The following PAXBP1 variants were observed in gnomAD, a reference collection of about 807,000 sequenced individuals.
PAXBP1 encodes PAX3 and PAX7 binding protein 1.
PAXBP1 carries 44 observed loss-of-function variants against 119.9 expected under a neutral mutation model. The ratio of observed to expected loss-of-function variants is 0.37; its 90% CI spans 0.29 to 0.47. PAXBP1 has a LOEUF of 0.47. PAXBP1 is among the 20% of genes least tolerant of loss of function. The probability of loss-of-function intolerance (pLI) is 0.99; values close to 1 mark genes in which losing one functional copy is unlikely to be tolerated. For synonymous variants in PAXBP1, 393 were observed against 406.6 expected (o/e 0.97, Z 0.40); for missense variants, 898 against 1,134.1 (o/e 0.79, Z 2.99).
At chr21:32,768,634 T>A (rs990292250) in intron 2 of PAXBP1, among the ~76,000 whole-genome samples, 5 of 152,232 alleles carry the variant, frequency 3.3e-5, no homozygotes. Context: ...CCCTTGAGTT[T>A]AAACTGCTTT....
At chr21:32,748,721 G>T in intron 10 of PAXBP1, 23 bp from the exon 11 acceptor site, 1 of 1,597,900 alleles carries the variant, frequency 6.3e-7, no homozygotes, top group South Asian at 1.1e-5. Flanking sequence ...AAACCCCACA[G>T]AGAACCATAC....
At position 32,737,416 on chromosome 21, in the gene PAXBP1, G is replaced by A; in HGVS notation, c.2482-8C>T. The A allele has an allele frequency of 6.3e-7, 1 of 1,587,794 alleles. No individual in the cohort carries two copies. The highest frequency in any genetic ancestry group is 8.6e-7 in the Non-Finnish European group (1 of 1,168,904). ...GGGGAAACAATTGATTACCTGTGGA[G>A]AAGAAAGACGTAAAATAAAATAGTT... On this transcript the variant is annotated splice_polypyrimidine_tract_variant and splice_region_variant and intron_variant, in intron 16 of 17. Coordinates refer to ENST00000331923, the MANE Select transcript of PAXBP1 (RefSeq NM_016631.4).
In PAXBP1 at chr21:32,764,510, C is replaced by T. The variant is rs758001001; in HGVS notation, c.487G>A (p.Asp163Asn). The change falls in exon 3 of 18, where the codon GAC (aspartate) becomes AAC (asparagine). Residue 163 changes from aspartate (D) to asparagine (N), a missense_variant. Asp to Asn is a conservative substitution (Grantham distance 23). Transcript: ENST00000331923. ...NSSAESEQPL[D>N]KTGHVKDTNQ... ...GTATCCTTAACATGTCCTGTTTTGT[C>T]CAAAGGTTGTTCACCTAAATTTTTG... is the stretch of plus-strand genomic sequence containing the variant. 1 of 1,594,430 alleles carries T rather than the reference C, an allele frequency of 6.3e-7. No individual in the cohort carries two copies. Among genetic ancestry groups the T allele is most frequent in the Non-Finnish European group, 8.5e-7 (1 of 1,171,888 alleles).
intron 2 of PAXBP1, 125 bp downstream of exon 2, chr21:32,769,689 A>G: frequency 1.2e-6 from 1 of 857,276 alleles, no homozygotes; most frequent in South Asian, 1.6e-5. Flanking sequence ...CTGTACTGCT[A>G]CTCAATAAGG....
At chr21:32,755,449 T>C in intron 7 of PAXBP1, 96 bp from the exon 8 acceptor site, 2 of 1,504,866 alleles carry the variant, frequency 1.3e-6, no homozygotes, top group South Asian at 2.5e-5. Context: ...AAAAGTACCC[T>C]CTCTATGGAC....
rs2043671054 is a variant in PAXBP1 at position 32,734,912 on chromosome 21, A to G, written c.*38T>C. 1.4e-6 allele frequency: 2 copies of G among 1,451,870 alleles called. No homozygotes were observed. Among genetic ancestry groups the G allele is most frequent in the Middle Eastern group, 1.8e-4 (1 of 5,420 alleles). The allele number at this position is 1,451,870 out of a possible 1,614,324, so 89.9% of individuals were successfully genotyped here. A position where few individuals can be genotyped will look rare whatever the true frequency, so the allele number is the denominator to read the frequency against. On this transcript the variant is annotated 3_prime_UTR_variant, in exon 18 of 18. Transcript: ENST00000331923. ...TATATACAAAATTTACACATTGGGA[A>G]TGGTAATCAAGCAAATAGGTTTTTC...
chr21:32,755,250 G>A lies in PAXBP1; in HGVS notation c.1487C>T (p.Ser496Leu), dbSNP rs1229809110. The part of the protein sequence containing the change: ...RRQDDIKDES[S>L]EFSSHSNKAL... ...CTGACTTGAATGGCTTGAAAACTCC[G>A]AAGATTCATCTTTAATATCATCTTG... The change falls in exon 8 of 18, where the codon TCG becomes TTG. Residue 496 changes from serine (S) to leucine (L), a missense_variant. Ser to Leu is a moderately radical substitution (Grantham distance 145). Coordinates refer to ENST00000331923, the MANE Select transcript of PAXBP1 (RefSeq NM_016631.4). 2 of 1,612,762 alleles carry A rather than the reference G, an allele frequency of 1.2e-6. No individual in the cohort carries two copies. The highest frequency in any genetic ancestry group is 1.7e-6 in the Non-Finnish European group (2 of 1,179,378).
Position 32,762,243 on chromosome 21 carries a change from T to G in PAXBP1, c.724A>C (p.Thr242Pro), listed in dbSNP as rs2044162479. 3 of 1,613,930 alleles carry G rather than the reference T, an allele frequency of 1.9e-6. No homozygotes were observed. The highest frequency in any genetic ancestry group is 2.5e-6 in the Non-Finnish European group (3 of 1,180,004). ...RQMARELGDF[T>P]PHDNEPGKGR... is the part of the protein sequence containing the mutation. ...TTACCAGGCTCATTATCATGAGGAGTGAAATCTCCCAATTCTCGGGCCATT... is the reference window on the plus strand; with the variant it reads ...TTACCAGGCTCATTATCATGAGGAGGGAAATCTCCCAATTCTCGGGCCATT... The change falls in exon 4 of 18, where the codon ACT becomes CCT. Residue 242 changes from threonine to proline, a missense_variant. Physicochemically the swap from Thr to Pro is conservative, Grantham distance 38. Around this residue, in one of 2 missense-constraint regions of PAXBP1, gnomAD observed 599 missense variants for 852.7 expected, o/e 0.70. Transcript: ENST00000331923.
rs1303433994 is a variant in PAXBP1 at position 32,771,398 on chromosome 21, G to A, written c.271C>T (p.Pro91Ser). The A allele has an allele frequency of 6.4e-7, 1 of 1,560,324 alleles. No homozygotes were observed. The highest frequency in any genetic ancestry group is 8.6e-7 in the Non-Finnish European group (1 of 1,162,602). Reference protein sequence around the residue: ...GGAEPGNGLKPRKRPRENKEV... With the variant: ...GGAEPGNGLKSRKRPRENKEV... ...TTGTTCTCGCGAGGCCTCTTGCGCG[G>A]CTTCAGCCCGTTGCCGGGCTCCGCG... is the stretch of plus-strand genomic sequence containing the variant. The change falls in exon 1 of 18, where the codon CCG (proline) becomes TCG (serine). Residue 91 changes from proline to serine, a missense_variant. By Grantham distance (74) the Pro-to-Ser change is moderately conservative. Coordinates refer to ENST00000331923, the MANE Select transcript of PAXBP1 (RefSeq NM_016631.4).
At chr21:32,755,495 C>A in intron 7 of PAXBP1, 142 bp from the exon 8 acceptor site, 2 of 1,053,654 alleles carry the variant, frequency 1.9e-6, no homozygotes, top group South Asian at 1.8e-5. Flanking sequence ...ACACAAGTAG[C>A]AAATTCTGTT....
intron 17 of PAXBP1, among the ~76,000 whole-genome samples, chr21:32,735,810 G>A (rs547178833): frequency 1.3e-5 from 2 of 152,236 alleles, no homozygotes; most frequent in African/African-American, 2.4e-5. Context: ...AACCACTCAC[G>A]AGAAACAAGA....
intron 15 of PAXBP1, among the ~76,000 whole-genome samples, chr21:32,740,019 G>C (rs2043757548): frequency 6.7e-6 from 1 of 148,974 alleles, no homozygotes; most frequent in Non-Finnish European, 1.5e-5. Flanking sequence ...TAGTTAACTG[G>C]TTTTCAACAA....
chr21:32,759,101 CA>C lies in PAXBP1; in HGVS notation c.1361del (p.Leu454CysfsTer11). On this transcript the variant is annotated frameshift_variant, in exon 7 of 18. Coordinates refer to ENST00000331923, the MANE Select transcript of PAXBP1 (RefSeq NM_016631.4). LOFTEE classifies it high-confidence loss of function. Reference protein sequence around the residue: ...LQEMRGYVQDLLECFSEKVPL... With the variant: ...LQEMRGYVQDXLECFSEKVPL... The stretch of plus-strand genomic sequence containing the variant: ...TTACCTTTTCACTGAAACACTCAAG[CA>C]AGTCTTGGACATACCCTCGCATTTC... 2 of 1,613,608 alleles carry C rather than the reference CA, an allele frequency of 1.2e-6. No homozygotes were observed. Among genetic ancestry groups the C allele is most frequent in the Non-Finnish European group, 1.7e-6 (2 of 1,179,736 alleles).
intron 8 of PAXBP1, chr21:32,751,483 A>G: frequency 3.4e-6 from 1 of 295,716 alleles, no homozygotes; most frequent in South Asian, 4.6e-5. Context: ...CTTACTCACT[A>G]TTTTTATGTC....
At chr21:32,754,450 T>C (rs1184877041) in intron 8 of PAXBP1, among the ~76,000 whole-genome samples, 9 of 151,906 alleles carry the variant, frequency 5.9e-5, no homozygotes, top group African/African-American at 9.7e-5. Flanking sequence ...ACTAGGAAAA[T>C]TCCTATTAGC....
intron 7 of PAXBP1, 59 bp from the exon 8 acceptor site, chr21:32,755,412 G>T: frequency 6.3e-7 from 1 of 1,576,862 alleles, no homozygotes; most frequent in South Asian, 1.2e-5. Context: ...TTTATTTGAG[G>T]GTTCCATACT....
Position 32,769,820 on chromosome 21 carries a change from C to A in PAXBP1, c.466G>T (p.Ala156Ser). Residue 156 changes from alanine (A) to serine (S), a missense_variant, in exon 2 of 18, where the codon GCT (alanine) becomes TCT (serine). Ala to Ser is a moderately conservative substitution (Grantham distance 99). This residue lies in a region of PAXBP1 where 299 missense variants were observed against 281.4 expected (regional missense o/e 1.06). Transcript: ENST00000331923. ...CAATTAGTTTGGTACTTACTTTCAGCTGATGAGTTGAGTTCTGTCTTAATC... is the reference window on the plus strand; with the variant it reads ...CAATTAGTTTGGTACTTACTTTCAGATGATGAGTTGAGTTCTGTCTTAATC... ...SKIKTELNSS[A>S]ESEQPLDKTG... is the part of the protein sequence containing the mutation. The A allele has an allele frequency of 6.2e-7, 1 of 1,601,234 alleles. No individual in the cohort carries two copies. Among genetic ancestry groups the A allele is most frequent in the Non-Finnish European group, 8.5e-7 (1 of 1,176,942 alleles).
intron 13 of PAXBP1, among the ~76,000 whole-genome samples, chr21:32,744,089 C>T (rs567878345): frequency 6.6e-4 from 100 of 152,104 alleles, no homozygotes; most frequent in African/African-American, 2.3e-3. Flanking sequence ...TGAATGGCCC[C>T]TGAAGAGCAT....
rs1328463759 is a variant in PAXBP1, at chr21:32,744,277, G to GA, written c.2190+514dup. The stretch of plus-strand genomic sequence containing the variant: ...TGATGAGCTAAAAAAAAAAAAAAAA[G>GA]AAAAAAAAAAAGGAGGGGGGCGGGG... On this transcript the variant is annotated intron_variant, in intron 13 of 17. Transcript: ENST00000331923. Among the ~76,000 whole-genome samples, 140 of 107,310 alleles carry GA rather than the reference G, an allele frequency of 1.3e-3. No individual in the cohort carries two copies. In the South Asian group the frequency reaches 0.02, roughly 15 times the overall value. 70.4% of individuals were successfully genotyped at this position (107,310 alleles called of 152,430 possible).
Sources: gnomAD v4.1 joint callset for allele counts (sites outside exome capture counted in the v4.1 genomes callset) on GRCh38, gnomAD v4.1.1 for gene constraint, gnomAD v4.1.1 regional missense constraint, MANE v1.5 for transcripts, NCBI Gene and HGNC (gene_info 2026-07-23, HGNC 2026-07-21) for gene names.